ZSWIM8: variants seen among roughly 807,000 people sequenced by gnomAD.
ZSWIM8 encodes zinc finger SWIM-type containing 8.
A neutral mutation model predicts 173.7 loss-of-function variants in ZSWIM8; 27 were observed. The observed-to-expected ratio is 0.16, with a 90% CI of 0.11 to 0.21. ZSWIM8 has a LOEUF of 0.21. Ranked by LOEUF, ZSWIM8 falls within the 10% of genes least tolerant of loss-of-function variation. The pLI is 1.00. For missense variants in ZSWIM8, 1,627 were observed against 2,428.8 expected, an observed-to-expected ratio of 0.67 and a Z score of 6.94; for synonymous variants, 958 against 962.0, an observed-to-expected ratio of 1.00 and a Z score of 0.08.
In ZSWIM8 at chr10:73,799,614, C is replaced by G. The variant is rs747483016; in HGVS notation, c.4665+124C>G. The G allele has an allele frequency of 6.7e-6, 9 of 1,343,450 alleles. No individual in the cohort carries two copies. The South Asian group carries it at 1.2e-4, about 17-fold the overall frequency. 83.2% of individuals were successfully genotyped at this position (1,343,450 alleles called of 1,614,324 possible). ...AGAGTCCTGGTGAGGTGGTGGGAGT[C>G]TGGGGGACCCAGCCCAACTAAAATA... On this transcript the variant is annotated intron_variant, in intron 21 of 25. Coordinates refer to ENST00000604729, the MANE Select transcript of ZSWIM8 (RefSeq NM_001367799.1).
At position 73,800,697 on chromosome 10, in the gene ZSWIM8, T is replaced by A; in HGVS notation, c.5060T>A (p.Phe1687Tyr). The change falls in exon 24 of 26, where the codon TTC (phenylalanine) becomes TAC (tyrosine). Residue 1687 changes from phenylalanine to tyrosine, a missense_variant. Physicochemically the swap from Phe to Tyr is conservative, Grantham distance 22 (BLOSUM62 3). Around this residue, in one of 18 missense-constraint regions of ZSWIM8, gnomAD observed 30 missense variants for 20.9 expected, o/e 1.44. Transcript: ENST00000604729. This position sits in a 1 kb window ranked among gnomAD's most constrained non-coding sequence, Gnocchi z 4.1. ...RRAHNDHPNN[F>Y]SRSPPYTDDV... ...GCACACAACGATCACCCCAACAACTTCTCCCGCTCCCCCCCCTACACTGAT... is the reference window on the plus strand; with the variant it reads ...GCACACAACGATCACCCCAACAACTACTCCCGCTCCCCCCCCTACACTGAT... 1 of 1,613,266 alleles carries A rather than the reference T, an allele frequency of 6.2e-7. No homozygotes were observed. The highest frequency in any genetic ancestry group is 1.3e-5 in the African/African-American group (1 of 74,758).
Position 73,792,038 on chromosome 10 carries a change from C to G in ZSWIM8, c.1499C>G (p.Thr500Ser). 2 of 1,548,180 alleles carry G rather than the reference C, an allele frequency of 1.3e-6. No individual in the cohort carries two copies. Among genetic ancestry groups the G allele is most frequent in the Non-Finnish European group, 1.7e-6 (2 of 1,144,662 alleles). The change falls in exon 10 of 26, where the codon ACT (threonine) becomes AGT (serine). Residue 500 changes from threonine (T) to serine (S), a missense_variant. Thr to Ser is a moderately conservative substitution (Grantham distance 58). Coordinates refer to ENST00000604729, the MANE Select transcript of ZSWIM8 (RefSeq NM_001367799.1). This position sits in a 1 kb window ranked among gnomAD's most constrained non-coding sequence, Gnocchi z 4.3. Reference sequence around the variant, plus strand: ...CTTCCTGGTGTCACCTACAGCGGCACTGACAGGAAGCTGGCACTGTGCTGG... The same window carrying G: ...CTTCCTGGTGTCACCTACAGCGGCAGTGACAGGAAGCTGGCACTGTGCTGG... ...YPLPGVTYSG[T>S]DRKLALCWAR...
chr10:73,788,721 A>G lies in ZSWIM8; in HGVS notation c.260A>G (p.His87Arg), dbSNP rs773458343. ...VELSAKQVAF[H>R]IPFEVVEKVY... Reference sequence around the variant, plus strand: ...CTGTCAGCAAAGCAGGTGGCATTTCATATCCCATTTGAAGTGGTGGAGAAA... The same window carrying G: ...CTGTCAGCAAAGCAGGTGGCATTTCGTATCCCATTTGAAGTGGTGGAGAAA... The change falls in exon 2 of 26, where the codon CAT (histidine) becomes CGT (arginine). Residue 87 changes from histidine (H) to arginine (R), a missense_variant. This residue lies in a region of ZSWIM8 where 29 missense variants were observed against 108.2 expected (regional missense o/e 0.27). Coordinates refer to ENST00000604729, the MANE Select transcript of ZSWIM8 (RefSeq NM_001367799.1). The G allele has an allele frequency of 1.2e-6, 2 of 1,614,016 alleles. No homozygotes were observed. The highest frequency in any genetic ancestry group is 2.2e-5 in the East Asian group (1 of 44,890).
chr10:73,786,022 A>G lies in ZSWIM8; in HGVS notation c.144A>G (p.Ser48=). The change falls in exon 1 of 26, where the codon TCA becomes TCG. Residue 48 remains serine, a synonymous_variant. Coordinates refer to ENST00000604729, the MANE Select transcript of ZSWIM8 (RefSeq NM_001367799.1). ...CQNWRGWRKQ[S]AGPNSPTGGG... ...ACTGGCGGGGATGGCGCAAACAGTC[A>G]GCGGGGCCCAATTCCCCCACTGGCG... 6.2e-7 allele frequency: 1 copy of G among 1,603,844 alleles called. No homozygotes were observed. Among genetic ancestry groups the G allele is most frequent in the Non-Finnish European group, 8.5e-7 (1 of 1,174,924 alleles).
rs780996490 is a variant in ZSWIM8 at position 73,801,330 on chromosome 10, C to T, written c.5316C>T (p.Arg1772=). ...QQAYMQYIHH[R]LIHLTPADYD... is the part of the protein sequence containing the mutation. ...TCCTCCTCCAGTACATCCACCACCG[C>T]TTGATTCACCTGACTCCTGCGGACT... The change falls in exon 26 of 26, where the codon CGC becomes CGT. Residue 1772 remains arginine (R), a synonymous_variant. Coordinates refer to ENST00000604729, the MANE Select transcript of ZSWIM8 (RefSeq NM_001367799.1). The surrounding 1 kb of genome is among the most constrained non-coding windows in gnomAD (Gnocchi z 4.9). 1 of 1,613,784 alleles carries T rather than the reference C, an allele frequency of 6.2e-7. No homozygotes were observed. Among genetic ancestry groups the T allele is most frequent in the African/African-American group, 1.3e-5 (1 of 74,922 alleles).
At position 73,790,156 on chromosome 10, in the gene ZSWIM8, TG is replaced by T. The variant is rs1565071485; in HGVS notation, c.821-15del. ...AGGCCCCTATCTCTAGATGACTGAC[TG>T]CCTGTCATCCTCAGACCCCACAGCA... On this transcript the variant is annotated splice_polypyrimidine_tract_variant and intron_variant, in intron 6 of 25. Coordinates refer to ENST00000604729, the MANE Select transcript of ZSWIM8 (RefSeq NM_001367799.1). 5 of 1,610,880 alleles carry T rather than the reference TG, an allele frequency of 3.1e-6. No homozygotes were observed. The Admixed American group carries it at 8.4e-5, about 27-fold the overall frequency.
chr10:73,797,059 A>G lies in ZSWIM8; in HGVS notation c.3274+45A>G, dbSNP rs1204679190. The G allele has an allele frequency of 1.9e-6, 3 of 1,612,378 alleles. No homozygotes were observed. Among genetic ancestry groups the G allele is most frequent in the East Asian group, 4.5e-5 (2 of 44,854 alleles). On this transcript the variant is annotated intron_variant, in intron 16 of 25. Transcript: ENST00000604729. This position sits in a 1 kb window ranked among gnomAD's most constrained non-coding sequence, Gnocchi z 5.6. ...CAGGGGGGATGAATGGTGTGGACCT[A>G]TGTTGAGGTCCCCTTTCCTGGGCTC...
intron 1 of ZSWIM8, 180 bp downstream of exon 1, chr10:73,786,266 C>T: frequency 1.5e-6 from 1 of 668,712 alleles, no homozygotes; most frequent in Non-Finnish European, 2.3e-6. Flanking sequence ...GAACAGACTT[C>T]AGAACTCGCT....
At chr10:73,790,883 C>A in intron 7 of ZSWIM8, 92 bp from the exon 8 acceptor site, 1 of 1,260,414 alleles carries the variant, frequency 7.9e-7, no homozygotes, top group Non-Finnish European at 1.1e-6. Context: ...GTCTTTTTCC[C>A]TCTATCTTCT....
rs1260549035 is a variant in ZSWIM8, at chr10:73,790,200, C to T, written c.849C>T (p.Asp283=). Residue 283 remains aspartate, a synonymous_variant, in exon 7 of 26, where the codon GAC becomes GAT. Coordinates refer to ENST00000604729, the MANE Select transcript of ZSWIM8 (RefSeq NM_001367799.1). ...PDPTAGPSAS[D]QSTWYLDEST... ...CCACAGCAGGGCCCTCAGCATCGGA[C>T]CAGAGTACTTGGTATCTGGATGAAT... 6.2e-7 allele frequency: 1 copy of T among 1,613,390 alleles called. No homozygotes were observed. The highest frequency in any genetic ancestry group is 1.3e-5 in the African/African-American group (1 of 74,912).
At chr10:73,786,377 G>A (rs1273970049) in intron 1 of ZSWIM8, 4 of 370,928 alleles carry the variant, frequency 1.1e-5, no homozygotes, top group Middle Eastern at 7.0e-4. Context: ...CTGTGACAGG[G>A]AGATCCTGTG....
At chr10:73,790,334 G>A in intron 7 of ZSWIM8, 42 bp downstream of exon 7, 1 of 1,557,708 alleles carries the variant, frequency 6.4e-7, no homozygotes, top group Non-Finnish European at 8.7e-7. Flanking sequence ...GGTGGAGGGG[G>A]AGCGTCCCTC....
At chr10:73,786,235 C>G in intron 1 of ZSWIM8, 149 bp downstream of exon 1, 2 of 916,544 alleles carry the variant, frequency 2.2e-6, no homozygotes, top group Non-Finnish European at 3.1e-6. Context: ...CTGTCCCCGA[C>G]TGGGAGCTGT....
chr10:73,798,815 T>C (rs139547828), intron 20 of ZSWIM8, among the ~76,000 whole-genome samples, 187 bp from the exon 21 acceptor site: 39 of 152,286 alleles, frequency 2.6e-4, no homozygotes, highest in African/African-American at 8.7e-4. Flanking sequence ...TCTTGACTCA[T>C]TTTGGTCAGT....
chr10:73,793,418 CGGT>C (rs1565077341), intron 10 of ZSWIM8, among the ~76,000 whole-genome samples, 167 bp from the exon 11 acceptor site: 1 of 152,214 alleles, frequency 6.6e-6, no homozygotes. Context: ...GCTGGCATCA[CGGT>C]GGCATGTGTG....
Position 73,790,022 on chromosome 10 carries a change from G to A in ZSWIM8, c.805G>A (p.Val269Met), listed in dbSNP as rs758070792. The change falls in exon 6 of 26, where the codon GTG (valine) becomes ATG (methionine). Residue 269 changes from valine (V) to methionine (M), a missense_variant. Val to Met is a conservative substitution (Grantham distance 21). Coordinates refer to ENST00000604729, the MANE Select transcript of ZSWIM8 (RefSeq NM_001367799.1). ...LSSQSTAINT[V>M]CGAPDPTAGP... ...TTCCCAGTCAACAGCCATCAATACAGTGTGTGGAGCTCCGGGTGAGTGTGG... is the reference window on the plus strand; with the variant it reads ...TTCCCAGTCAACAGCCATCAATACAATGTGTGGAGCTCCGGGTGAGTGTGG... The A allele has an allele frequency of 5.6e-6, 9 of 1,612,822 alleles. No homozygotes were observed. The highest frequency in any genetic ancestry group is 7.6e-6 in the Non-Finnish European group (9 of 1,179,468).
In ZSWIM8 at chr10:73,792,354, ACGG is replaced by A; in HGVS notation, c.1817_1819del (p.Arg606del). On this transcript the variant is annotated inframe_deletion, in exon 10 of 26. Transcript: ENST00000604729. The surrounding 1 kb of genome is among the most constrained non-coding windows in gnomAD (Gnocchi z 4.3). The stretch of plus-strand genomic sequence containing the variant: ...GCTCAGCAGGTGGCGGAAGCAAGCG[ACGG>A]CTGAGCAGCGAAGACAGCTCCCTGG... 1 of 1,611,502 alleles carries A rather than the reference ACGG, an allele frequency of 6.2e-7. No homozygotes were observed. The highest frequency in any genetic ancestry group is 8.5e-7 in the Non-Finnish European group (1 of 1,178,888).
In ZSWIM8 at chr10:73,789,359, C is replaced by A; in HGVS notation, c.458-8C>A. The A allele has an allele frequency of 6.4e-7, 1 of 1,553,930 alleles. No homozygotes were observed. Reference sequence around the variant, plus strand: ...GCACTCCCTGACCATGCCCCCATTTCTCCCCAGGGTTCCACCTGAGTGCTA... The same window carrying A: ...GCACTCCCTGACCATGCCCCCATTTATCCCCAGGGTTCCACCTGAGTGCTA... On this transcript the variant is annotated splice_polypyrimidine_tract_variant and splice_region_variant and intron_variant, in intron 3 of 25. Transcript: ENST00000604729. The surrounding 1 kb of genome is among the most constrained non-coding windows in gnomAD (Gnocchi z 6.8).
chr10:73,786,507 G>A (rs2083232439), intron 1 of ZSWIM8: 3 of 167,982 alleles, frequency 1.8e-5, no homozygotes, highest in Non-Finnish European at 3.8e-5. Context: ...GAAAGTAGAG[G>A]AAGAGAATGT....
Sources: allele counts gnomAD v4.1 joint callset (sites outside exome capture counted in the v4.1 genomes callset), GRCh38; gene constraint gnomAD v4.1.1; regional missense constraint gnomAD v4.1.1; non-coding constraint Gnocchi (gnomAD v3.1); transcripts MANE v1.5; gene names NCBI Gene and HGNC (gene_info 2026-07-23, HGNC 2026-07-21).